The following CCNP variants were observed in gnomAD, a reference collection of about 807,000 sequenced individuals.
CCNP encodes the protein cyclin P, also known as cyclin-P.
A neutral mutation model predicts 19.6 loss-of-function variants in CCNP; 18 were observed. The observed-to-expected ratio is 0.92, with a 90% CI of 0.64 to 1.36. The LOEUF (loss-of-function observed/expected upper bound fraction) is 1.36. Among genes scored for constraint, CCNP ranks in the 40% most tolerant of loss-of-function variants. The pLI, the probability that CCNP is intolerant of heterozygous loss-of-function variation, is 0.00. For synonymous variants in CCNP, 228 were observed against 194.9 expected, an observed-to-expected ratio of 1.17 and a Z score of -1.41; for missense variants, 440 against 424.4, an observed-to-expected ratio of 1.04 and a Z score of -0.32.
chr19:40,223,073 C>T lies in CCNP; in HGVS notation c.903G>A (p.Arg301=). Residue 301 remains arginine, a synonymous_variant, in exon 5 of 5, where the codon CGG becomes CGA. Coordinates refer to ENST00000430325, the MANE Select transcript of CCNP (RefSeq NM_024877.4). ...CTCCTCAATAATTGTCTCTCATTCT[C>T]CGAGACCGTAAAAATGACCAGGAAG... ...DLPSWSFLRS[R]RMRDNY The T allele has an allele frequency of 6.5e-7, 1 of 1,539,922 alleles. No individual in the cohort carries two copies. Among genetic ancestry groups the T allele is most frequent in the Non-Finnish European group, 8.8e-7 (1 of 1,137,554 alleles).
At position 40,223,174 on chromosome 19, in the gene CCNP, T is replaced by C. The variant is rs1973475857; in HGVS notation, c.802A>G (p.Arg268Gly). ...AHRLLDGAGS[R>G]LQPELYRCSL... ...CACCTGTAAAGTTCTGGCTGGAGCC[T>C]GGAGCCCGCCCCGTCGAGCAAGCGG... Residue 268 changes from arginine to glycine, a missense_variant, in exon 5 of 5, where the codon AGG becomes GGG. Arg to Gly is a moderately radical substitution (Grantham distance 125). Transcript: ENST00000430325. 1.3e-6 allele frequency: 2 copies of C among 1,551,420 alleles called. No individual in the cohort carries two copies. The highest frequency in any genetic ancestry group is 2.7e-5 in the African/African-American group (2 of 73,168).
chr19:40,224,595 G>A lies in CCNP; in HGVS notation c.406C>T (p.Leu136Phe), dbSNP rs778314764. 2 of 1,614,218 alleles carry A rather than the reference G, an allele frequency of 1.2e-6. No individual in the cohort carries two copies. The highest frequency in any genetic ancestry group is 1.1e-5 in the South Asian group (1 of 91,086). Residue 136 changes from leucine (L) to phenylalanine (F), a missense_variant, in exon 3 of 5, where the codon CTT becomes TTT. Physicochemically the swap from Leu to Phe is conservative, Grantham distance 22. Transcript: ENST00000430325. ...CGGCCAGCGCTCAGGTAGGAATCAAGCAGGTGAACCGCCAGATAAAGTGTG... is the reference window on the plus strand; with the variant it reads ...CGGCCAGCGCTCAGGTAGGAATCAAACAGGTGAACCGCCAGATAAAGTGTG... Reference protein sequence around the residue: ...GDTLYLAVHLLDSYLSAGRVR... With the variant: ...GDTLYLAVHLFDSYLSAGRVR...
In CCNP at chr19:40,226,684, G is replaced by A; in HGVS notation, c.-43C>T. 6.7e-7 allele frequency: 1 copy of A among 1,490,640 alleles called. No homozygotes were observed. Among genetic ancestry groups the A allele is most frequent in the Non-Finnish European group, 8.9e-7 (1 of 1,122,136 alleles). The allele number at this position is 1,490,640 out of a possible 1,614,324, so 92.3% of individuals were successfully genotyped here. On this transcript the variant is annotated 5_prime_UTR_variant, in exon 1 of 5. Coordinates refer to ENST00000430325, the MANE Select transcript of CCNP (RefSeq NM_024877.4). ...CGGGCGAGGCCAAGCACCGACCCTT[G>A]CAGCTAGGGGAAGAGACGCGCGGCG...
At chr19:40,225,339 A>G (rs982946514) in intron 1 of CCNP, among the ~76,000 whole-genome samples, 15 of 152,074 alleles carry the variant, frequency 9.9e-5, no homozygotes, top group African/African-American at 3.6e-4. Context: ...GATTACAGGT[A>G]TGAGCCACTG....
At position 40,224,744 on chromosome 19, in the gene CCNP, A is replaced by G. The variant is rs552280466; in HGVS notation, c.335T>C (p.Val112Ala). ...AVTPEMRALVVDWLVQVHEYL... is the reference protein window; with the variant it reads ...AVTPEMRALVADWLVQVHEYL... Reference sequence around the variant, plus strand: ...TACGTGCACCTGGACCAGCCAGTCTACCACCAGGGCGCGCATCTCCGGGGT... The same window carrying G: ...TACGTGCACCTGGACCAGCCAGTCTGCCACCAGGGCGCGCATCTCCGGGGT... Residue 112 changes from valine to alanine, a missense_variant, in exon 2 of 5, where the codon GTA becomes GCA. Transcript: ENST00000430325. The G allele has an allele frequency of 3.8e-6, 6 of 1,572,814 alleles. No individual in the cohort carries two copies. In the Admixed American group the frequency reaches 1.2e-4, roughly 30 times the overall value.
In CCNP at chr19:40,224,804, C is replaced by G; in HGVS notation, c.275G>C (p.Arg92Pro). 1 of 1,552,098 alleles carries G rather than the reference C, an allele frequency of 6.4e-7. No individual in the cohort carries two copies. The highest frequency in any genetic ancestry group is 8.7e-7 in the Non-Finnish European group (1 of 1,147,236). Residue 92 changes from arginine to proline, a missense_variant, in exon 2 of 5, where the codon CGC becomes CCC. Coordinates refer to ENST00000430325, the MANE Select transcript of CCNP (RefSeq NM_024877.4). ...GGGCAGGGCTCTCAGGGGCAGCACG[C>G]GGCACACCTGGGGTTGGGGCAGGGA... Reference protein sequence around the residue: ...GDIFAEVMVCRVLPLRALPRA... With the variant: ...GDIFAEVMVCPVLPLRALPRA...
At chr19:40,225,057 C>T in intron 1 of CCNP, 1 of 459,654 alleles carries the variant, frequency 2.2e-6, no homozygotes, top group South Asian at 3.2e-5. Flanking sequence ...GGTTCCCAGA[C>T]TTCACTTTTT....
chr19:40,222,387 T>C lies in CCNP; in HGVS notation c.*665A>G, dbSNP rs1973459015. 7.5e-6 allele frequency: 3 copies of C among 398,820 alleles called. No homozygotes were observed. Among genetic ancestry groups the C allele is most frequent in the East Asian group, 3.6e-5 (1 of 28,060 alleles). 24.7% of individuals were successfully genotyped at this position (398,820 alleles called of 1,614,324 possible). On this transcript the variant is annotated 3_prime_UTR_variant, in exon 5 of 5. Coordinates refer to ENST00000430325, the MANE Select transcript of CCNP (RefSeq NM_024877.4). Reference sequence around the variant, plus strand: ...CCCTGGCGCTGGGGCCGCGCATACTTGAGGAAGACTGCGGCGCGACCCGGC... The same window carrying C: ...CCCTGGCGCTGGGGCCGCGCATACTCGAGGAAGACTGCGGCGCGACCCGGC...
rs1227359373 is a variant in CCNP at position 40,223,278 on chromosome 19, A to G, written c.698T>C (p.Leu233Pro). 6.5e-7 allele frequency: 1 copy of G among 1,531,636 alleles called. No homozygotes were observed. Among genetic ancestry groups the G allele is most frequent in the African/African-American group, 1.4e-5 (1 of 72,336 alleles). The allele number at this position is 1,531,636 out of a possible 1,614,324, so 94.9% of individuals were successfully genotyped here. ...CTCGGCCTCCAGCAAAGACAGCTCC[A>G]GGAAGTAGGTGGCAAGTAACATCAC... is the stretch of plus-strand genomic sequence containing the variant. ...PQVMLLATYF[L>P]ELSLLEAEAA... Residue 233 changes from leucine to proline, a missense_variant, in exon 5 of 5, where the codon CTG (leucine) becomes CCG (proline). Transcript: ENST00000430325.
At position 40,226,494 on chromosome 19, in the gene CCNP, C is replaced by T; in HGVS notation, c.148G>A (p.Ala50Thr). 2 of 1,601,362 alleles carry T rather than the reference C, an allele frequency of 1.2e-6. No individual in the cohort carries two copies. The highest frequency in any genetic ancestry group is 8.5e-7 in the Non-Finnish European group (1 of 1,175,372). The change falls in exon 1 of 5, where the codon GCG becomes ACG. Residue 50 changes from alanine (A) to threonine (T), a missense_variant. By Grantham distance (58) the Ala-to-Thr change is moderately conservative. Coordinates refer to ENST00000430325, the MANE Select transcript of CCNP (RefSeq NM_024877.4). Reference protein sequence around the residue: ...SSAAVPDGFPAGPTVSPRRLA... With the variant: ...SSAAVPDGFPTGPTVSPRRLA... Reference sequence around the variant, plus strand: ...CGTCTTGGGGAGACAGTGGGGCCCGCGGGGAAGCCGTCGGGGACTGCGGCG... The same window carrying T: ...CGTCTTGGGGAGACAGTGGGGCCCGTGGGGAAGCCGTCGGGGACTGCGGCG...
Position 40,226,509 on chromosome 19 carries a change from G to T in CCNP, c.133C>A (p.Pro45Thr), listed in dbSNP as rs769980998. 6.3e-7 allele frequency: 1 copy of T among 1,598,118 alleles called. No homozygotes were observed. Among genetic ancestry groups the T allele is most frequent in the Non-Finnish European group, 8.5e-7 (1 of 1,173,668 alleles). ...GTGGGGCCCGCGGGGAAGCCGTCGG[G>T]GACTGCGGCGCTTGAAGGCTCTGCG... ...LDAEPSSAAV[P>T]DGFPAGPTVS... Residue 45 changes from proline to threonine, a missense_variant, in exon 1 of 5, where the codon CCC becomes ACC. Physicochemically the swap from Pro to Thr is conservative, Grantham distance 38. Coordinates refer to ENST00000430325, the MANE Select transcript of CCNP (RefSeq NM_024877.4).
rs779000036 is a variant in CCNP at position 40,223,563 on chromosome 19, C to T, written c.514-17G>A. 1.9e-6 allele frequency: 3 copies of T among 1,596,268 alleles called. No homozygotes were observed. The highest frequency in any genetic ancestry group is 2.6e-6 in the Non-Finnish European group (3 of 1,168,612). ...GAAGGCGGGCTGCAGATGGGGGATG[C>T]GGGGGGAGGTGAAGGAGTCTTGGAT... On this transcript the variant is annotated splice_polypyrimidine_tract_variant and intron_variant, in intron 3 of 4. Transcript: ENST00000430325.
intron 3 of CCNP, 48 bp from the exon 4 acceptor site, chr19:40,223,594 C>A: frequency 6.2e-7 from 1 of 1,601,420 alleles, no homozygotes; most frequent in Non-Finnish European, 8.5e-7. Flanking sequence ...TGGATCCGGG[C>A]TCTTTACTCC....
chr19:40,222,497 G>A lies in CCNP; in HGVS notation c.*555C>T. On this transcript the variant is annotated 3_prime_UTR_variant, in exon 5 of 5. Coordinates refer to ENST00000430325, the MANE Select transcript of CCNP (RefSeq NM_024877.4). ...GCTGCAGCAGGGAGATGGAGAAACT[G>A]AGGCAGGGCAAGTGGTTGGAGATGA... is the stretch of plus-strand genomic sequence containing the variant. The A allele has an allele frequency of 2.5e-6, 1 of 398,850 alleles. No homozygotes were observed. Among genetic ancestry groups the A allele is most frequent in the Non-Finnish European group, 4.4e-6 (1 of 226,160 alleles). The allele number at this position is 398,850 out of a possible 1,614,324, so 24.7% of individuals were successfully genotyped here. A position where few individuals can be genotyped will look rare whatever the true frequency, so the allele number is the denominator to read the frequency against.
At chr19:40,224,370 C>T (rs1415299202) in intron 3 of CCNP, 118 bp downstream of exon 3, 5 of 1,125,340 alleles carry the variant, frequency 4.4e-6, no homozygotes, top group Admixed American at 2.0e-5. Flanking sequence ...TTGACAGCCC[C>T]TCCCTCATAC....
At chr19:40,223,609 C>T (rs760436682) in intron 3 of CCNP, 63 bp from the exon 4 acceptor site, 24 of 1,600,802 alleles carry the variant, frequency 1.5e-5, no homozygotes, top group Non-Finnish European at 2.0e-5. Context: ...TACTCCCTGC[C>T]CTGGAAAGGC....
Position 40,226,605 on chromosome 19 carries a change from G to T in CCNP, c.37C>A (p.Arg13=). 1 of 1,578,720 alleles carries T rather than the reference G, an allele frequency of 6.3e-7. No individual in the cohort carries two copies. The highest frequency in any genetic ancestry group is 8.6e-7 in the Non-Finnish European group (1 of 1,163,784). The change falls in exon 1 of 5, where the codon CGG becomes AGG. Residue 13 remains arginine (R), a synonymous_variant. Transcript: ENST00000430325. The stretch of plus-strand genomic sequence containing the variant: ...CAGCGCCTAACGATAGGCCCGAGCC[G>T]GGAGCCGGACCCCTGGTCCCTGCCT... ...VRGRDQGSGS[R]LGPIVRRWAP...
At position 40,223,531 on chromosome 19, in the gene CCNP, G is replaced by A. The variant is rs767283083; in HGVS notation, c.529C>T (p.Leu177Phe). 400 of 1,599,928 alleles carry A rather than the reference G, an allele frequency of 2.5e-4. No individual in the cohort carries two copies. The highest frequency in any genetic ancestry group is 3.1e-4 in the Non-Finnish European group (358 of 1,170,496). ...CGTGAGAAGGAGTCCGCGCTCAGGA[G>A]GCAGAGGAAGGCGGGCTGCAGATGG... Reference protein sequence around the residue: ...CVLPEPAFLCLLSADSFSRAE... With the variant: ...CVLPEPAFLCFLSADSFSRAE... Residue 177 changes from leucine to phenylalanine, a missense_variant, in exon 4 of 5, where the codon CTC becomes TTC. Coordinates refer to ENST00000430325, the MANE Select transcript of CCNP (RefSeq NM_024877.4).
chr19:40,226,330 T>TG (rs766755312), intron 1 of CCNP, 45 bp downstream of exon 1: 4 of 1,562,822 alleles, frequency 2.6e-6, no homozygotes, highest in Non-Finnish European at 3.5e-6. Context: ...TGCCGGGCGG[T>TG]GGGCCGGCGT....
Sources: allele counts gnomAD v4.1 joint callset (sites outside exome capture counted in the v4.1 genomes callset), GRCh38; gene constraint gnomAD v4.1.1; transcripts MANE v1.5; gene names NCBI Gene and HGNC (gene_info 2026-07-23, HGNC 2026-07-21).